Variants in PDZK1 observed in about 807,000 individuals in gnomAD.
PDZK1 encodes PDZ domain containing 1.
PDZK1 carries 23 observed loss-of-function variants against 38.1 expected under a neutral mutation model. That is an observed-to-expected ratio of 0.60 (90% CI 0.43 to 0.85). The LOEUF (loss-of-function observed/expected upper bound fraction) is 0.85. PDZK1 is among the 40% of genes least tolerant of loss of function. PDZK1 has a pLI of 0.00. For synonymous variants in PDZK1, 98 were observed against 186.2 expected (o/e 0.53, Z 3.86); for missense variants, 297 against 504.3 (o/e 0.59, Z 3.94).
At position 145,687,900 on chromosome 1, in the gene PDZK1, C is replaced by T. The variant is rs782304584; in HGVS notation, c.122G>A (p.Cys41Tyr). ...EGHLVRVVEK[C>Y]SPAEKAGLQD... ...AAGGCCAGCCTTCTCTGCTGGGCTACACTTCTCAACCACCCGGACCAGGTG... is the reference window on the plus strand; with the variant it reads ...AAGGCCAGCCTTCTCTGCTGGGCTATACTTCTCAACCACCCGGACCAGGTG... Residue 41 changes from cysteine to tyrosine, a missense_variant, in exon 2 of 9, where the codon TGT (cysteine) becomes TAT (tyrosine). Transcript: ENST00000417171. 2 of 1,613,566 alleles carry T rather than the reference C, an allele frequency of 1.2e-6. No homozygotes were observed. Among genetic ancestry groups the T allele is most frequent in the South Asian group, 2.2e-5 (2 of 91,026 alleles).
intron 2 of PDZK1, 49 bp downstream of exon 2, chr1:145,687,763 G>A (rs781949976): frequency 6.8e-7 from 1 of 1,463,352 alleles, no homozygotes; most frequent in Non-Finnish European, 9.6e-7. Flanking sequence ...CAGAGAAGAT[G>A]TGGGGGCTGA....
chr1:145,704,674 TA>T (rs1488281796), intron 1 of PDZK1, among the ~76,000 whole-genome samples: 2 of 152,164 alleles, frequency 1.3e-5, no homozygotes, highest in Non-Finnish European at 2.9e-5. Flanking sequence ...GCAAAGAGAT[TA>T]AGGAAATCTG....
At chr1:145,701,098 G>A (rs1436865841) in intron 1 of PDZK1, among the ~76,000 whole-genome samples, 4 of 151,778 alleles carry the variant, frequency 2.6e-5, no homozygotes, top group Admixed American at 6.6e-5. Flanking sequence ...CCAGCTACTC[G>A]GGAGGCTGAG....
chr1:145,684,294 C>T (rs1455622899), intron 3 of PDZK1, among the ~76,000 whole-genome samples: 3 of 149,094 alleles, frequency 2.0e-5, no homozygotes, highest in Non-Finnish European at 3.0e-5. Flanking sequence ...CTGCAACCTC[C>T]GCCTCCCGGG....
chr1:145,694,691 G>A (rs1295876934), intron 1 of PDZK1, among the ~76,000 whole-genome samples: 1 of 151,906 alleles, frequency 6.6e-6, no homozygotes, highest in Non-Finnish European at 1.5e-5. Context: ...GAGGTCAAGA[G>A]ATCTAGACCA....
chr1:145,675,738 C>T (rs186334870), intron 6 of PDZK1, among the ~76,000 whole-genome samples: 41 of 152,214 alleles, frequency 2.7e-4, no homozygotes, highest in African/African-American at 9.9e-4. Flanking sequence ...AGATTTTGGC[C>T]GGGCTTGGTG....
At position 145,692,604 on chromosome 1, in the gene PDZK1, G is replaced by A. The variant is rs1158455514; in HGVS notation, c.-2-4581C>T. 6.6e-5 allele frequency among the ~76,000 whole-genome samples: 10 copies of A among 152,046 alleles called. No homozygotes were observed. In the East Asian group the frequency reaches 7.7e-4, roughly 12 times the overall value. On this transcript the variant is annotated intron_variant, in intron 1 of 8. Transcript: ENST00000417171. ...TGCACACCTGTAATCCCAACTACTCGGGAGGCTGGGGAAGGGGAATCGCTT... is the reference window on the plus strand; with the variant it reads ...TGCACACCTGTAATCCCAACTACTCAGGAGGCTGGGGAAGGGGAATCGCTT...
At chr1:145,693,645 G>A (rs1655418952) in intron 1 of PDZK1, among the ~76,000 whole-genome samples, 1 of 151,956 alleles carries the variant, frequency 6.6e-6, no homozygotes, top group Non-Finnish European at 1.5e-5. Flanking sequence ...GTGGTGGCGG[G>A]CGCCTGTGGT....
At chr1:145,683,241 G>C (rs1446030357) in intron 3 of PDZK1, among the ~76,000 whole-genome samples, 5 of 152,222 alleles carry the variant, frequency 3.3e-5, no homozygotes, top group African/African-American at 1.2e-4. Context: ...ACTTGACACA[G>C]CCTTTACTCA....
rs1329698252 is a variant in PDZK1, at chr1:145,684,551, A to G, written c.461-1915T>C. On this transcript the variant is annotated intron_variant, in intron 3 of 8. Transcript: ENST00000417171. ...TGATACATAACATTTGTACATATTT[A>G]TAGGGTGTGTGTCATATTTTGATAC... Among the ~76,000 whole-genome samples, 3 of 152,306 alleles carry G rather than the reference A, an allele frequency of 2.0e-5. No individual in the cohort carries two copies. In the East Asian group the frequency reaches 5.8e-4, roughly 29 times the overall value.
intron 1 of PDZK1, among the ~76,000 whole-genome samples, chr1:145,701,835 A>G (rs903506057): frequency 3.3e-5 from 5 of 152,226 alleles, no homozygotes; most frequent in Admixed American, 1.3e-4. Flanking sequence ...TTCTTCAAAT[A>G]TATTTTACCT....
intron 8 of PDZK1, among the ~76,000 whole-genome samples, chr1:145,672,163 A>G (rs1210834605): frequency 1.3e-5 from 2 of 152,210 alleles, no homozygotes; most frequent in Non-Finnish European, 2.9e-5. Context: ...ATATATAGAG[A>G]ATAATATAGA....
Position 145,692,760 on chromosome 1 carries a change from C to T in PDZK1, c.-2-4737G>A, listed in dbSNP as rs139210413. The stretch of plus-strand genomic sequence containing the variant: ...GAAAGAAAAAGAATTCTGGACTGGG[C>T]GCAGTGGCTCACGCCTGTAATTCCA... On this transcript the variant is annotated intron_variant, in intron 1 of 8. Transcript: ENST00000417171. Among the ~76,000 whole-genome samples, 858 of 151,280 alleles carry T rather than the reference C, an allele frequency of 5.7e-3. 5 individuals carry two copies. The highest frequency in any genetic ancestry group is 8.5e-3 in the Non-Finnish European group (576 of 67,844).
At chr1:145,705,089 G>A (rs1476507241) in intron 1 of PDZK1, among the ~76,000 whole-genome samples, 1 of 152,046 alleles carries the variant, frequency 6.6e-6, no homozygotes, top group Non-Finnish European at 1.5e-5. Flanking sequence ...ACAAGTAAAA[G>A]AGATGATTTT....
chr1:145,706,775 T>C (rs1656270988), intron 1 of PDZK1, among the ~76,000 whole-genome samples: 1 of 152,020 alleles, frequency 6.6e-6, no homozygotes, highest in South Asian at 2.1e-4. Context: ...ATGTATGTTT[T>C]AAAATTCAGC....
chr1:145,675,996 C>G (rs1331787092), intron 6 of PDZK1, among the ~76,000 whole-genome samples: 2 of 151,500 alleles, frequency 1.3e-5, no homozygotes, highest in Non-Finnish European at 2.9e-5. Context: ...CCAGCTTGGA[C>G]AACAGCGGGA....
intron 1 of PDZK1, among the ~76,000 whole-genome samples, chr1:145,702,549 C>T (rs1656020932): frequency 6.6e-6 from 1 of 151,906 alleles, no homozygotes; most frequent in South Asian, 2.1e-4. Flanking sequence ...ACTTTCTAAC[C>T]CTGGTTTTAT....
At chr1:145,685,747 G>A (rs1167738345) in intron 3 of PDZK1, among the ~76,000 whole-genome samples, 1 of 152,182 alleles carries the variant, frequency 6.6e-6, no homozygotes, top group Admixed American at 6.5e-5. Flanking sequence ...CAGCTCCTCT[G>A]GTTCCAACCA....
intron 1 of PDZK1, among the ~76,000 whole-genome samples, chr1:145,704,499 G>C (rs1656143548): frequency 6.6e-6 from 1 of 152,182 alleles, no homozygotes; most frequent in Non-Finnish European, 1.5e-5. Flanking sequence ...CTTAAGATGT[G>C]CTAGACACTA....
Sources: gnomAD v4.1 joint callset for allele counts (sites outside exome capture counted in the v4.1 genomes callset) on GRCh38, gnomAD v4.1.1 for gene constraint, MANE v1.5 for transcripts, NCBI Gene and HGNC (gene_info 2026-07-23, HGNC 2026-07-21) for gene names.